LMNB1: variants seen among roughly 807,000 people sequenced by gnomAD.
LMNB1 encodes lamin-B1.
Under a neutral mutation model 67.1 loss-of-function variants are expected in LMNB1, and 23 were observed. The ratio of observed to expected loss-of-function variants is 0.34; its 90% CI spans 0.25 to 0.49. LMNB1 has a LOEUF of 0.49. Among genes scored for constraint, LMNB1 ranks in the 20% least tolerant of loss-of-function variants. LMNB1 has a pLI of 0.99. For synonymous variants in LMNB1, 281 were observed against 282.9 expected (o/e 0.99, Z 0.07); for missense variants, 634 against 746.5 (o/e 0.85, Z 1.76).
At chr5:126,803,672 G>A (rs989700371) in intron 1 of LMNB1, among the ~76,000 whole-genome samples, 1 of 151,984 alleles carries the variant, frequency 6.6e-6, no homozygotes, top group Admixed American at 6.6e-5. Flanking sequence ...TGAGCCTCTC[G>A]AGTAGGTGGG....
intron 3 of LMNB1, among the ~76,000 whole-genome samples, chr5:126,807,230 T>TG (rs2126713169): frequency 6.6e-6 from 1 of 152,276 alleles, no homozygotes; most frequent in South Asian, 2.1e-4. Flanking sequence ...AATCAACTCA[T>TG]GGGGGAGAAC....
chr5:126,820,356 AT>A, intron 6 of LMNB1, among the ~76,000 whole-genome samples: 1 of 152,298 alleles, frequency 6.6e-6, no homozygotes, highest in East Asian at 1.9e-4. Context: ...CATTATGGTT[AT>A]ATTACTTCCA....
intron 6 of LMNB1, 98 bp from the exon 7 acceptor site, chr5:126,820,812 G>A: frequency 2.2e-6 from 2 of 917,464 alleles, no homozygotes; most frequent in Non-Finnish European, 3.3e-6. Context: ...ACAGACATGA[G>A]CCTCTGTGCC....
intron 5 of LMNB1, among the ~76,000 whole-genome samples, chr5:126,815,898 C>G (rs1409116618): frequency 6.6e-6 from 1 of 152,034 alleles, no homozygotes; most frequent in African/African-American, 2.4e-5. Flanking sequence ...TGATTTTTCC[C>G]TCTTAAAGAG....
At chr5:126,828,949 A>G (rs1398419560) in intron 9 of LMNB1, among the ~76,000 whole-genome samples, 1 of 152,120 alleles carries the variant, frequency 6.6e-6, no homozygotes, top group Admixed American at 6.5e-5. Context: ...GAGGAGAGAA[A>G]GTATTATGAA....
At position 126,810,067 on chromosome 5, in the gene LMNB1, C is replaced by G. The variant is rs537245514; in HGVS notation, c.643-113C>G. The G allele has an allele frequency of 3.8e-5, 37 of 961,854 alleles. No homozygotes were observed. The African/African-American group carries it at 5.2e-4, about 13-fold the overall frequency. The allele number at this position is 961,854 out of a possible 1,614,324, so 59.6% of individuals were successfully genotyped here. The stretch of plus-strand genomic sequence containing the variant: ...GTTTATTCACATGACCGCCTGAGGA[C>G]AAACAGGAGGAAGTTCGTGTGTAAA... On this transcript the variant is annotated intron_variant, in intron 3 of 10. Transcript: ENST00000261366.
At chr5:126,778,261 C>T (rs1750527673) in intron 1 of LMNB1, among the ~76,000 whole-genome samples, 1 of 151,992 alleles carries the variant, frequency 6.6e-6, no homozygotes, top group African/African-American at 2.4e-5. Context: ...GCGTGCGCGC[C>T]CCAGTTTCCG....
At chr5:126,826,578 A>C (rs1299534867) in intron 9 of LMNB1, among the ~76,000 whole-genome samples, 1 of 152,184 alleles carries the variant, frequency 6.6e-6, no homozygotes, top group Non-Finnish European at 1.5e-5. Context: ...AAGATTGTGG[A>C]GTGTACATCT....
intron 3 of LMNB1, among the ~76,000 whole-genome samples, chr5:126,807,870 G>GTTTTTGT (rs1269501198): frequency 6.6e-6 from 1 of 151,740 alleles, no homozygotes; most frequent in African/African-American, 2.4e-5. Flanking sequence ...TTTTGTTTTT[G>GTTTTTGT]TTTTTTTTAA....
chr5:126,821,091 G>C lies in LMNB1; in HGVS notation c.1342G>C (p.Asp448His). 2 of 1,613,998 alleles carry C rather than the reference G, an allele frequency of 1.2e-6. No homozygotes were observed. Among genetic ancestry groups the C allele is most frequent in the South Asian group, 2.2e-5 (2 of 91,082 alleles). The change falls in exon 7 of 11, where the codon GAT becomes CAT. Residue 448 changes from aspartate (D) to histidine (H), a missense_variant. Asp to His is a moderately conservative substitution (Grantham distance 81). Transcript: ENST00000261366. ...TGGAAATGTTTGCATCGAAGAAATT[G>C]ATGTTGATGGGAAATTTATCCGCTT... ...ATGNVCIEEI[D>H]VDGKFIRLKN...
intron 2 of LMNB1, 24 bp downstream of exon 2, chr5:126,804,956 C>G (rs1355644805): frequency 6.3e-7 from 1 of 1,598,172 alleles, no homozygotes; most frequent in Non-Finnish European, 8.5e-7. Flanking sequence ...TACTCTTGAG[C>G]CGTATGTGAC....
At chr5:126,833,093 T>C (rs1336601080) in intron 10 of LMNB1, among the ~76,000 whole-genome samples, 1 of 152,256 alleles carries the variant, frequency 6.6e-6, no homozygotes, top group East Asian at 1.9e-4. Flanking sequence ...ATTGGATGTT[T>C]ACTCCAAACT....
At position 126,826,031 on chromosome 5, in the gene LMNB1, A is replaced by T; in HGVS notation, c.1535A>T (p.Asp512Val). Residue 512 changes from aspartate (D) to valine (V), a missense_variant, in exon 9 of 11, where the codon GAC becomes GTC. Asp to Val is a radical substitution (Grantham distance 152). Transcript: ENST00000261366. ...GGTGTCACAGCCAGCCCCCCAACTGACCTCATCTGGAAGAACCAGAACTCG... is the reference window on the plus strand; with the variant it reads ...GGTGTCACAGCCAGCCCCCCAACTGTCCTCATCTGGAAGAACCAGAACTCG... ...NAGVTASPPT[D>V]LIWKNQNSWG... 1 of 1,613,972 alleles carries T rather than the reference A, an allele frequency of 6.2e-7. No individual in the cohort carries two copies. The highest frequency in any genetic ancestry group is 8.5e-7 in the Non-Finnish European group (1 of 1,179,930).
intron 8 of LMNB1, among the ~76,000 whole-genome samples, chr5:126,825,684 T>C (rs958661628): frequency 5.3e-5 from 8 of 152,222 alleles, no homozygotes; most frequent in African/African-American, 1.9e-4. Context: ...TACCCTGTTT[T>C]ATGGATGACT....
chr5:126,794,320 T>C (rs2112938549), intron 1 of LMNB1, among the ~76,000 whole-genome samples: 1 of 152,308 alleles, frequency 6.6e-6, no homozygotes, highest in East Asian at 1.9e-4. Context: ...TTTTTCCCTT[T>C]GGAAGGGAAG....
intron 10 of LMNB1, 131 bp downstream of exon 10, chr5:126,832,932 T>C (rs898289936): frequency 2.7e-5 from 14 of 514,120 alleles, no homozygotes; most frequent in Non-Finnish European, 4.8e-5. Flanking sequence ...GTGGGGTTTG[T>C]ACTCCCCAAA....
At chr5:126,776,674 T>C (rs1307099113), upstream of LMNB1, 1 of 152,206 alleles carries the variant, frequency 6.6e-6, no homozygotes, top group Non-Finnish European at 1.5e-5. Flanking sequence ...CACTCTGAGT[T>C]TCGCGTGTGG....
At chr5:126,820,853 TA>T (rs1751850688) in intron 6 of LMNB1, 56 bp from the exon 7 acceptor site, 2 of 1,248,522 alleles carry the variant, frequency 1.6e-6, no homozygotes, top group Non-Finnish European at 2.3e-6. Context: ...TTTTTTTTTT[TA>T]AGGCGAGAAG....
At chr5:126,791,008 C>T (rs1008156224) in intron 1 of LMNB1, among the ~76,000 whole-genome samples, 4 of 151,648 alleles carry the variant, frequency 2.6e-5, no homozygotes, top group Non-Finnish European at 2.9e-5. Context: ...GCGACAAGAG[C>T]GAAACTCTGT....
Sources: allele counts gnomAD v4.1 joint callset (sites outside exome capture counted in the v4.1 genomes callset), GRCh38; gene constraint gnomAD v4.1.1; transcripts MANE v1.5; gene names NCBI Gene and HGNC (gene_info 2026-07-23, HGNC 2026-07-21).